ANKHD1: variants seen among roughly 807,000 people sequenced by gnomAD.
ANKHD1 encodes the protein ankyrin repeat and KH domain containing 1, also known as ankyrin repeat and KH domain-containing protein 1.
Under a neutral mutation model 230.5 loss-of-function variants are expected in ANKHD1, and 31 were observed. The ratio of observed to expected loss-of-function variants is 0.13; its 90% CI spans 0.10 to 0.18. ANKHD1 has a LOEUF of 0.18. Ranked by LOEUF, ANKHD1 falls within the 10% of genes least tolerant of loss-of-function variation. The pLI, the probability that ANKHD1 is intolerant of heterozygous loss-of-function variation, is 1.00. For missense variants in ANKHD1, 2,256 were observed against 3,071.3 expected, an observed-to-expected ratio of 0.73 and a Z score of 6.27; for synonymous variants, 1,074 against 1,117.6, an observed-to-expected ratio of 0.96 and a Z score of 0.78.
At chr5:140,510,312 T>A in intron 22 of ANKHD1, 131 bp downstream of exon 22, 6 of 974,206 alleles carry the variant, frequency 6.2e-6, no homozygotes, top group Non-Finnish European at 8.0e-6. Context: ...TTCCATTCTT[T>A]TTTTTTTTTT....
intron 6 of ANKHD1, among the ~76,000 whole-genome samples, chr5:140,446,685 T>G (rs974326432): frequency 3.3e-5 from 5 of 152,144 alleles, no homozygotes; most frequent in African/African-American, 1.2e-4. Flanking sequence ...AAAGAAATTT[T>G]AAAATGACAT....
At position 140,458,771 on chromosome 5, in the gene ANKHD1, T is replaced by C. The variant is rs907195127; in HGVS notation, c.1389T>C (p.Asn463=). 4.3e-6 allele frequency: 7 copies of C among 1,612,822 alleles called. No homozygotes were observed. The highest frequency in any genetic ancestry group is 1.3e-5 in the African/African-American group (1 of 74,602). The change falls in exon 8 of 34, where the codon AAT becomes AAC. Residue 463 remains asparagine, a synonymous_variant. Coordinates refer to ENST00000360839, the MANE Select transcript of ANKHD1 (RefSeq NM_017747.3). Reference sequence around the variant, plus strand: ...CTCTACTTATTGAAAGGGGAGCAAATCTTGAAGAAGTTAATGATGAAGGAT... The same window carrying C: ...CTCTACTTATTGAAAGGGGAGCAAACCTTGAAGAAGTTAATGATGAAGGAT... ...LAALLIERGA[N]LEEVNDEGYT...
At chr5:140,423,250 T>C (rs1772141188) in intron 1 of ANKHD1, among the ~76,000 whole-genome samples, 1 of 152,198 alleles carries the variant, frequency 6.6e-6, no homozygotes, top group African/African-American at 2.4e-5. Flanking sequence ...TATTAATAAA[T>C]TGTATTTGAG....
chr5:140,527,910 A>C lies in ANKHD1; in HGVS notation c.5125A>C (p.Arg1709=), dbSNP rs368877198. 6 of 1,613,854 alleles carry C rather than the reference A, an allele frequency of 3.7e-6. No homozygotes were observed. Among genetic ancestry groups the C allele is most frequent in the Middle Eastern group, 3.3e-4 (2 of 6,082 alleles). ...KLSVPASVVS[R]IMGRGGCNIT... is the part of the protein sequence containing the mutation. ...GTCTGTTCCAGCCTCAGTGGTGTCG[A>C]GGATAATGGGAAGAGGAGGATGCAA... The change falls in exon 28 of 34, where the codon AGG becomes CGG. Residue 1709 remains arginine, a synonymous_variant. Coordinates refer to ENST00000360839, the MANE Select transcript of ANKHD1 (RefSeq NM_017747.3). This position sits in a 1 kb window ranked among gnomAD's most constrained non-coding sequence, Gnocchi z 4.5.
intron 30 of ANKHD1, 85 bp from the exon 31 acceptor site, chr5:140,537,304 G>A (rs1269001358): frequency 6.6e-7 from 1 of 1,515,228 alleles, no homozygotes; most frequent in South Asian, 1.4e-5. Context: ...TTTTTTATAT[G>A]TAATAAAACA....
Position 140,537,451 on chromosome 5 carries a change from A to G in ANKHD1, c.7090A>G (p.Ile2364Val). The stretch of plus-strand genomic sequence containing the variant: ...AGTCAGTGCCAGTCAAGATCGAAAG[A>G]TACCTCCCCCAATTGGAACAGAGAG... ...KGVSASQDRK[I>V]PPPIGTERLA... Residue 2364 changes from isoleucine to valine, a missense_variant, in exon 31 of 34, where the codon ATA (isoleucine) becomes GTA (valine). Transcript: ENST00000360839. 6.2e-7 allele frequency: 1 copy of G among 1,614,152 alleles called. No individual in the cohort carries two copies. Among genetic ancestry groups the G allele is most frequent in the Non-Finnish European group, 8.5e-7 (1 of 1,180,038 alleles).
rs1769975352 is a variant in ANKHD1, at chr5:140,401,917, C to T, written c.-51C>T. The stretch of plus-strand genomic sequence containing the variant: ...CTCTTCTCGTTCCCGAGATCAGCGG[C>T]GGCGGTGACCGCGAGTGGGTCGGCA... On this transcript the variant is annotated 5_prime_UTR_variant, in exon 1 of 34. Coordinates refer to ENST00000360839, the MANE Select transcript of ANKHD1 (RefSeq NM_017747.3). 2 of 1,521,258 alleles carry T rather than the reference C, an allele frequency of 1.3e-6. No homozygotes were observed. The highest frequency in any genetic ancestry group is 8.7e-7 in the Non-Finnish European group (1 of 1,143,092). The allele number at this position is 1,521,258 out of a possible 1,614,324, so 94.2% of individuals were successfully genotyped here.
chr5:140,468,052 C>CTTTTTTTTTTTTTTTTTTT (rs869172143), intron 10 of ANKHD1, among the ~76,000 whole-genome samples: 2 of 52,380 alleles, frequency 3.8e-5, no homozygotes, highest in Non-Finnish European at 6.3e-5. Context: ...TGTACTAATT[C>CTTTTTTTTTTTTTTTTTTT]TTTTTTTTTT....
At chr5:140,436,060 T>A in intron 1 of ANKHD1, 44 bp from the exon 2 acceptor site, 3 of 1,447,714 alleles carry the variant, frequency 2.1e-6, no homozygotes, top group South Asian at 3.1e-5. Context: ...TCTAATCATA[T>A]TGATATCAGT....
At position 140,527,795 on chromosome 5, in the gene ANKHD1, G is replaced by T; in HGVS notation, c.5088-78G>T. On this transcript the variant is annotated intron_variant, in intron 27 of 33. Transcript: ENST00000360839. The surrounding 1 kb of genome is among the most constrained non-coding windows in gnomAD (Gnocchi z 4.5). ...AAATGTTATTCTCCAAAATGTCCAT[G>T]AACATACTTACTAAGACATCTTTCT... is the stretch of plus-strand genomic sequence containing the variant. The T allele has an allele frequency of 6.9e-7, 1 of 1,453,948 alleles. No individual in the cohort carries two copies. 90.1% of individuals were successfully genotyped at this position (1,453,948 alleles called of 1,614,324 possible).
chr5:140,529,202 G>T lies in ANKHD1; in HGVS notation c.6256G>T (p.Val2086Leu). 6.2e-7 allele frequency: 1 copy of T among 1,614,208 alleles called. No individual in the cohort carries two copies. Among genetic ancestry groups the T allele is most frequent in the Non-Finnish European group, 8.5e-7 (1 of 1,180,048 alleles). ...ACAAGAGGAGGCACAGCCATCCAGT[G>T]TGTCTGATTTAAGTCCTATGTCAAT... The part of the protein sequence containing the change: ...NTQEEAQPSS[V>L]SDLSPMSMPF... The change falls in exon 29 of 34, where the codon GTG becomes TTG. Residue 2086 changes from valine to leucine, a missense_variant. Val to Leu is a conservative substitution (Grantham distance 32, BLOSUM62 1). Around this residue, in one of 13 missense-constraint regions of ANKHD1, gnomAD observed 778 missense variants for 966.5 expected, o/e 0.80. Transcript: ENST00000360839.
At chr5:140,449,556 G>A (rs867210518) in intron 7 of ANKHD1, among the ~76,000 whole-genome samples, 10 of 152,206 alleles carry the variant, frequency 6.6e-5, no homozygotes, top group African/African-American at 2.2e-4. Context: ...CAGCTACTCG[G>A]GAGGCTGAGG....
Position 140,440,166 on chromosome 5 carries a change from G to A in ANKHD1, c.665G>A (p.Arg222His), listed in dbSNP as rs765922970. ...TCAGATGGGGATGTTAATGCTGTTC[G>A]TAAATTGCTAGATGAAGGCAGAAGT... ...ACSDGDVNAV[R>H]KLLDEGRSVN... The change falls in exon 4 of 34, where the codon CGT (arginine) becomes CAT (histidine). Residue 222 changes from arginine to histidine, a missense_variant. By Grantham distance (29) the Arg-to-His change is conservative. Around this residue, in one of 13 missense-constraint regions of ANKHD1, gnomAD observed 206 missense variants for 304.5 expected, o/e 0.68. Coordinates refer to ENST00000360839, the MANE Select transcript of ANKHD1 (RefSeq NM_017747.3). The A allele has an allele frequency of 6.2e-7, 1 of 1,613,046 alleles. No individual in the cohort carries two copies. Among genetic ancestry groups the A allele is most frequent in the Non-Finnish European group, 8.5e-7 (1 of 1,179,466 alleles).
chr5:140,453,434 A>C (rs1301167186), intron 7 of ANKHD1, among the ~76,000 whole-genome samples: 1 of 152,206 alleles, frequency 6.6e-6, no homozygotes, highest in Non-Finnish European at 1.5e-5. Context: ...CGTTGAAATG[A>C]AGGAAAAAAT....
At chr5:140,411,642 C>T (rs1770934613) in intron 1 of ANKHD1, among the ~76,000 whole-genome samples, 2 of 151,506 alleles carry the variant, frequency 1.3e-5, no homozygotes, top group South Asian at 4.2e-4. Context: ...GCCTCAGCCT[C>T]CTGAGTAGCT....
chr5:140,438,370 T>C (rs933700378), intron 2 of ANKHD1, 91 bp from the exon 3 acceptor site: 4 of 1,422,050 alleles, frequency 2.8e-6, no homozygotes, highest in African/African-American at 1.4e-5. Flanking sequence ...TTTTCCTAGA[T>C]AATAGTGTTT....
At chr5:140,402,928 G>T (rs539678554) in intron 1 of ANKHD1, among the ~76,000 whole-genome samples, 2 of 150,612 alleles carry the variant, frequency 1.3e-5, no homozygotes, top group South Asian at 4.2e-4. Context: ...GAGGTTTTAG[G>T]CTTGGAGAAA....
In ANKHD1 at chr5:140,528,654, G is replaced by A. The variant is rs1329171125; in HGVS notation, c.5708G>A (p.Ser1903Asn). 6.2e-7 allele frequency: 1 copy of A among 1,614,090 alleles called. No individual in the cohort carries two copies. Among genetic ancestry groups the A allele is most frequent in the Non-Finnish European group, 8.5e-7 (1 of 1,180,030 alleles). ...VRPVNPGNTN[S>N]SPKHNNTSRL... ...CCTGTGAATCCTGGCAACACAAATAGCTCTCCAAAGCATAATAACACAAGC... is the reference window on the plus strand; with the variant it reads ...CCTGTGAATCCTGGCAACACAAATAACTCTCCAAAGCATAATAACACAAGC... The change falls in exon 29 of 34, where the codon AGC becomes AAC. Residue 1903 changes from serine (S) to asparagine (N), a missense_variant. Transcript: ENST00000360839.
chr5:140,520,119 G>A (rs914797634), intron 24 of ANKHD1, among the ~76,000 whole-genome samples: 127 of 151,320 alleles, frequency 8.4e-4, no homozygotes, highest in African/African-American at 3.0e-3. Context: ...GTGGGCAAAG[G>A]ACATGAACAG....
Sources: allele counts gnomAD v4.1 joint callset (sites outside exome capture counted in the v4.1 genomes callset), GRCh38; gene constraint gnomAD v4.1.1; regional missense constraint gnomAD v4.1.1; non-coding constraint Gnocchi (gnomAD v3.1); transcripts MANE v1.5; gene names NCBI Gene and HGNC (gene_info 2026-07-23, HGNC 2026-07-21).